Variants in CNTNAP2 observed in about 807,000 individuals in gnomAD.
CNTNAP2 encodes contactin-associated protein-like 2.
In CNTNAP2, 98 loss-of-function variants were observed where a neutral mutation model predicts 155.2. That is an observed-to-expected ratio of 0.63 (90% confidence interval 0.54 to 0.75). The LOEUF (loss-of-function observed/expected upper bound fraction) is 0.75. CNTNAP2 is among the 30% of genes least tolerant of loss of function. The pLI, the probability that CNTNAP2 is intolerant of heterozygous loss-of-function variation, is 0.00. For missense variants in CNTNAP2, 1,727 were observed against 1,688.1 expected, an observed-to-expected ratio of 1.02 and a Z score of -0.40; for synonymous variants, 651 against 631.2, an observed-to-expected ratio of 1.03 and a Z score of -0.47.
At chr7:147,201,713 T>C (rs1802926005) in intron 8 of CNTNAP2, among the ~76,000 whole-genome samples, 2 of 152,122 alleles carry the variant, frequency 1.3e-5, no homozygotes, top group South Asian at 4.1e-4. Flanking sequence ...AGGAATTGGA[T>C]AGGGGCAGGG....
At chr7:146,791,347 G>T (rs13242680) in intron 2 of CNTNAP2, among the ~76,000 whole-genome samples, 1 of 152,126 alleles carries the variant, frequency 6.6e-6, no homozygotes, top group Non-Finnish European at 1.5e-5. Context: ...TCAGTGATGG[G>T]CATTTGGGTT....
intron 10 of CNTNAP2, among the ~76,000 whole-genome samples, chr7:147,429,847 T>C (rs1236947562): frequency 6.6e-6 from 1 of 152,214 alleles, no homozygotes; most frequent in East Asian, 1.9e-4. Flanking sequence ...TTTTGTCAGC[T>C]TGGTCAAAGA....
At chr7:146,483,309 A>ATG (rs1797003107) in intron 1 of CNTNAP2, among the ~76,000 whole-genome samples, 5 of 88,346 alleles carry the variant, frequency 5.7e-5, no homozygotes, top group Admixed American at 2.3e-4. Context: ...ATATATATAT[A>ATG]TATATATATA....
chr7:147,612,217 A>G (rs1801200795), intron 12 of CNTNAP2, among the ~76,000 whole-genome samples: 1 of 152,190 alleles, frequency 6.6e-6, no homozygotes. Flanking sequence ...TCAGGAAAGT[A>G]CACATAGCTC....
chr7:147,274,461 T>C (rs1584837280), intron 8 of CNTNAP2, among the ~76,000 whole-genome samples: 1 of 152,114 alleles, frequency 6.6e-6, no homozygotes, highest in African/African-American at 2.4e-5. Flanking sequence ...TGGCCACTTG[T>C]ATGACTTTTG....
At chr7:147,022,020 A>T (rs1232781967) in intron 3 of CNTNAP2, among the ~76,000 whole-genome samples, 2 of 151,774 alleles carry the variant, frequency 1.3e-5, no homozygotes, top group African/African-American at 4.8e-5. Context: ...AGTTTTTCTT[A>T]TTTTTATATA....
At chr7:146,929,041 C>T (rs547645634) in intron 3 of CNTNAP2, among the ~76,000 whole-genome samples, 143 of 152,342 alleles carry the variant, frequency 9.4e-4, no homozygotes, top group African/African-American at 3.1e-3. Context: ...GCAGTAACCT[C>T]TGCAGACTTA....
intron 13 of CNTNAP2, among the ~76,000 whole-genome samples, chr7:147,824,590 G>C (rs1271849763): frequency 3.3e-5 from 5 of 152,092 alleles, no homozygotes; most frequent in Non-Finnish European, 7.4e-5. Flanking sequence ...ATCAAAAAAG[G>C]TAACTGTGGA....
chr7:147,287,028 A>G (rs1805195040), intron 8 of CNTNAP2, among the ~76,000 whole-genome samples: 1 of 152,164 alleles, frequency 6.6e-6, no homozygotes, highest in Non-Finnish European at 1.5e-5. Context: ...TTGTTACGGC[A>G]TGGTGAGAAA....
chr7:147,234,186 A>G (rs1803747087), intron 8 of CNTNAP2, among the ~76,000 whole-genome samples: 1 of 152,070 alleles, frequency 6.6e-6, no homozygotes, highest in African/African-American at 2.4e-5. Flanking sequence ...ATCATCTCCA[A>G]ATACTTTTGT....
At chr7:148,219,899 C>T (rs1438530635) in intron 19 of CNTNAP2, among the ~76,000 whole-genome samples, 4 of 152,050 alleles carry the variant, frequency 2.6e-5, no homozygotes, top group Non-Finnish European at 4.4e-5. Flanking sequence ...CAAGATTTTT[C>T]CCATGGGAGC....
At chr7:147,069,483 C>T (rs1229353445) in intron 4 of CNTNAP2, among the ~76,000 whole-genome samples, 1 of 152,204 alleles carries the variant, frequency 6.6e-6, no homozygotes, top group Non-Finnish European at 1.5e-5. Flanking sequence ...CTGTCTTCCA[C>T]ATATTCTCCA....
At chr7:148,070,817 A>G (rs1306339457) in intron 15 of CNTNAP2, among the ~76,000 whole-genome samples, 1 of 152,244 alleles carries the variant, frequency 6.6e-6, no homozygotes, top group Non-Finnish European at 1.5e-5. Context: ...ACTATTCAAT[A>G]GTGGTAAACT....
intron 13 of CNTNAP2, among the ~76,000 whole-genome samples, chr7:147,870,432 C>T (rs1422892487): frequency 1.3e-5 from 2 of 152,088 alleles, no homozygotes; most frequent in African/African-American, 2.4e-5. Context: ...TTGCCTGGGG[C>T]AGCCCATGGA....
At chr7:146,488,948 C>T (rs961326754) in intron 1 of CNTNAP2, among the ~76,000 whole-genome samples, 1 of 152,158 alleles carries the variant, frequency 6.6e-6, no homozygotes, top group Non-Finnish European at 1.5e-5. Flanking sequence ...CTTTTAGAGA[C>T]AGTAGTGTTT....
chr7:146,548,627 T>C (rs866721441), intron 1 of CNTNAP2, among the ~76,000 whole-genome samples: 1 of 151,986 alleles, frequency 6.6e-6, no homozygotes, highest in African/African-American at 2.4e-5. Flanking sequence ...TGGGCCCTTG[T>C]GTGTCTTCTT....
chr7:147,137,335 T>C (rs1218616278), intron 8 of CNTNAP2, among the ~76,000 whole-genome samples: 1 of 151,288 alleles, frequency 6.6e-6, no homozygotes, highest in Non-Finnish European at 1.5e-5. Context: ...ATATAGGAAT[T>C]TTATTTCATT....
intron 3 of CNTNAP2, among the ~76,000 whole-genome samples, chr7:146,934,868 C>T (rs967231278): frequency 7.9e-5 from 12 of 152,062 alleles, no homozygotes; most frequent in South Asian, 2.1e-4. Context: ...TGCTGTGGAC[C>T]GAACAAATGC....
At chr7:146,732,142 T>C (rs1012196984) in intron 1 of CNTNAP2, among the ~76,000 whole-genome samples, 1 of 152,168 alleles carries the variant, frequency 6.6e-6, no homozygotes, top group Non-Finnish European at 1.5e-5. Context: ...TTGAACATCA[T>C]AGAAGTTTCA....
Sources: allele counts gnomAD v4.1 joint callset (sites outside exome capture counted in the v4.1 genomes callset), GRCh38; gene constraint gnomAD v4.1.1; transcripts MANE v1.5; gene names NCBI Gene and HGNC (gene_info 2026-07-23, HGNC 2026-07-21).